The following NSMCE2 variants were observed in gnomAD, a reference collection of about 807,000 sequenced individuals.
NSMCE2 encodes the protein E3 SUMO-protein ligase NSE2.
NSMCE2 carries 24 observed loss-of-function variants against 23.8 expected under a neutral mutation model. That is an observed-to-expected ratio of 1.01 (90% confidence interval 0.73 to 1.42). The LOEUF (loss-of-function observed/expected upper bound fraction) is 1.42, where lower values mean the gene tolerates loss of function less well. Among genes scored for constraint, NSMCE2 ranks in the 40% most tolerant of loss-of-function variants. NSMCE2 has a pLI of 0.00. For synonymous variants in NSMCE2, 92 were observed against 94.1 expected (o/e 0.98, Z 0.13); for missense variants, 284 against 296.5 (o/e 0.96, Z 0.31).
At chr8:125,283,616 A>G (rs1827777975) in intron 5 of NSMCE2, among the ~76,000 whole-genome samples, 1 of 152,232 alleles carries the variant, frequency 6.6e-6, no homozygotes, top group African/African-American at 2.4e-5. Flanking sequence ...CTCTGTGAAT[A>G]TCAATAAGAT....
chr8:125,255,442 C>T (rs1394690314), intron 5 of NSMCE2, among the ~76,000 whole-genome samples: 1 of 152,126 alleles, frequency 6.6e-6, no homozygotes, highest in Non-Finnish European at 1.5e-5. Context: ...CCTTCATCAT[C>T]AAGGAAGACT....
At chr8:125,131,119 C>T (rs774905653) in intron 3 of NSMCE2, among the ~76,000 whole-genome samples, 1 of 152,164 alleles carries the variant, frequency 6.6e-6, no homozygotes, top group Non-Finnish European at 1.5e-5. Context: ...TTGTCATAGT[C>T]TGGATTCTAT....
At chr8:125,120,595 TTAAGCCTG>T (rs1465166479) in intron 3 of NSMCE2, among the ~76,000 whole-genome samples, 1 of 152,192 alleles carries the variant, frequency 6.6e-6, no homozygotes, top group African/African-American at 2.4e-5. Flanking sequence ...AAGCCAGAGG[TTAAGCCTG>T]TTAACTTCAG....
At chr8:125,231,683 A>G (rs923046599) in intron 5 of NSMCE2, among the ~76,000 whole-genome samples, 1 of 152,194 alleles carries the variant, frequency 6.6e-6, no homozygotes. Context: ...TTTTCACTTA[A>G]ACATACAGTT....
At chr8:125,265,939 G>T (rs1262897141) in intron 5 of NSMCE2, among the ~76,000 whole-genome samples, 2 of 151,914 alleles carry the variant, frequency 1.3e-5, no homozygotes, top group Non-Finnish European at 2.9e-5. Flanking sequence ...ATTACTTTAA[G>T]TTATTTGATT....
At position 125,172,164 on chromosome 8, in the gene NSMCE2, A is replaced by G. The variant is rs115028807; in HGVS notation, c.265-9939A>G. Reference sequence around the variant, plus strand: ...ACTGGGATTTAAAGGTTAAAGACCTAGATAATCTGGTTCCAGGGTCTGTTG... The same window carrying G: ...ACTGGGATTTAAAGGTTAAAGACCTGGATAATCTGGTTCCAGGGTCTGTTG... On this transcript the variant is annotated intron_variant, in intron 4 of 7. Coordinates refer to ENST00000287437, the MANE Select transcript of NSMCE2 (RefSeq NM_173685.4). Among the ~76,000 whole-genome samples the G allele has an allele frequency of 3.1e-3, 472 of 152,306 alleles. 3 individuals carry two copies. Among genetic ancestry groups the G allele is most frequent in the African/African-American group, 0.011 (446 of 41,558 alleles).
At chr8:125,158,936 T>A (rs1222708351) in intron 4 of NSMCE2, among the ~76,000 whole-genome samples, 1 of 152,230 alleles carries the variant, frequency 6.6e-6, no homozygotes, top group Admixed American at 6.5e-5. Context: ...ACTGGTTGTC[T>A]ACAGTTTCAC....
intron 5 of NSMCE2, among the ~76,000 whole-genome samples, chr8:125,196,257 G>A (rs1400320861): frequency 1.3e-5 from 2 of 150,526 alleles, no homozygotes; most frequent in Non-Finnish European, 3.0e-5. Context: ...CAACGTGCAG[G>A]TTTGTTACAT....
At chr8:125,227,137 T>G (rs1229962880) in intron 5 of NSMCE2, among the ~76,000 whole-genome samples, 3 of 152,110 alleles carry the variant, frequency 2.0e-5, no homozygotes, top group Admixed American at 1.3e-4. Flanking sequence ...TCCTTTTAAG[T>G]CAGAATGAAC....
At position 125,101,307 on chromosome 8, in the gene NSMCE2, A is replaced by C. The variant is rs545382200; in HGVS notation, c.-110-744A>C. On this transcript the variant is annotated intron_variant, in intron 1 of 7. Transcript: ENST00000287437. ...AGGTGGTAGCAATGATGAGGATGGA[A>C]ATGCCAGAGATACTACACAGTTCCC... 1.7e-4 allele frequency among the ~76,000 whole-genome samples: 26 copies of C among 152,286 alleles called. No homozygotes were observed. In the South Asian group the frequency reaches 2.3e-3, roughly 13 times the overall value.
chr8:125,132,025 A>G (rs1402548009), intron 3 of NSMCE2, among the ~76,000 whole-genome samples: 1 of 152,198 alleles, frequency 6.6e-6, no homozygotes, highest in African/African-American at 2.4e-5. Flanking sequence ...TCTCAGGTAA[A>G]TTAAGCCAAG....
At chr8:125,151,128 A>G (rs760180931) in intron 3 of NSMCE2, 43 bp from the exon 4 acceptor site, 2 of 1,053,890 alleles carry the variant, frequency 1.9e-6, no homozygotes, top group Admixed American at 3.5e-5. Flanking sequence ...CAGATATGGC[A>G]TTTTAAATGG....
chr8:125,366,849 GAACCATAAC>G lies in NSMCE2; in HGVS notation c.711_719del (p.Asn237_Asn239del). On this transcript the variant is annotated inframe_deletion, in exon 8 of 8. Transcript: ENST00000287437. Reference sequence around the variant, plus strand: ...ATGAAGCACTTAGAAGGGCAATTGAGAACCATAACAAGAAAAGACATCGTCATTCCGAGT... The same window carrying G: ...ATGAAGCACTTAGAAGGGCAATTGAGAAGAAAAGACATCGTCATTCCGAGT... 6.2e-7 allele frequency: 1 copy of G among 1,612,254 alleles called. No individual in the cohort carries two copies.
chr8:125,321,353 TAAC>T (rs1161749165), intron 5 of NSMCE2, among the ~76,000 whole-genome samples: 1 of 152,162 alleles, frequency 6.6e-6, no homozygotes, highest in Non-Finnish European at 1.5e-5. Context: ...GTAAAATGTG[TAAC>T]AACAGCACTA....
At chr8:125,324,336 G>A (rs1207749547) in intron 5 of NSMCE2, among the ~76,000 whole-genome samples, 3 of 151,962 alleles carry the variant, frequency 2.0e-5, no homozygotes, top group Non-Finnish European at 4.4e-5. Flanking sequence ...GCATGTGCCC[G>A]CAGAAAGACT....
At chr8:125,156,591 ATGG>A (rs1821325333) in intron 4 of NSMCE2, among the ~76,000 whole-genome samples, 1 of 152,154 alleles carries the variant, frequency 6.6e-6, no homozygotes, top group Non-Finnish European at 1.5e-5. Flanking sequence ...AAATTCGTTC[ATGG>A]ATATGCCCTA....
chr8:125,153,244 G>A (rs1430495459), intron 4 of NSMCE2, among the ~76,000 whole-genome samples: 3 of 152,026 alleles, frequency 2.0e-5, no homozygotes, highest in African/African-American at 4.8e-5. Context: ...TCACTTTTCA[G>A]CCCTAACCTC....
intron 5 of NSMCE2, among the ~76,000 whole-genome samples, chr8:125,316,624 TCTTTC>T (rs2131252228): frequency 1.7e-5 from 1 of 58,900 alleles, no homozygotes; most frequent in Admixed American, 2.3e-4. Flanking sequence ...TTTATTTCCT[TCTTTC>T]CTTTCTTTAT....
At chr8:125,189,253 A>C (rs945646220) in intron 5 of NSMCE2, among the ~76,000 whole-genome samples, 6 of 152,354 alleles carry the variant, frequency 3.9e-5, no homozygotes, top group Non-Finnish European at 7.3e-5. Context: ...ACAAAGGAAA[A>C]GCAGACATGT....
Sources: gnomAD v4.1 joint callset for allele counts (sites outside exome capture counted in the v4.1 genomes callset) on GRCh38, gnomAD v4.1.1 for gene constraint, MANE v1.5 for transcripts, NCBI Gene and HGNC (gene_info 2026-07-23, HGNC 2026-07-21) for gene names.